Variants in XXYLT1 observed in about 807,000 individuals in gnomAD.
XXYLT1 encodes UDP-xylose:alpha-xyloside alpha-1,3-xylosyltransferase.
XXYLT1 carries 20 observed loss-of-function variants against 28.9 expected under a neutral mutation model. That is an observed-to-expected ratio of 0.69 (90% CI 0.49 to 1.00). The LOEUF (loss-of-function observed/expected upper bound fraction) is 1.00. XXYLT1 is among the 50% of genes least tolerant of loss of function. The probability of loss-of-function intolerance (pLI) is 0.00; values close to 1 mark genes in which losing one functional copy is unlikely to be tolerated. For synonymous variants in XXYLT1, 257 were observed against 253.8 expected (o/e 1.01, Z -0.12); for missense variants, 542 against 560.1 (o/e 0.97, Z 0.33).
intron 2 of XXYLT1, among the ~76,000 whole-genome samples, chr3:195,219,909 C>T (rs933176725): frequency 4.6e-5 from 7 of 152,152 alleles, no homozygotes; most frequent in Admixed American, 2.0e-4. Flanking sequence ...TCAAGAGATT[C>T]GGGCAGAGGC....
intron 2 of XXYLT1, among the ~76,000 whole-genome samples, chr3:195,177,762 CA>C (rs796329955): frequency 6.7e-6 from 1 of 150,188 alleles, no homozygotes; most frequent in Non-Finnish European, 1.5e-5. Context: ...CCCATCTCTA[CA>C]AAAAAAATAA....
At chr3:195,083,974 C>T (rs150988533) in intron 3 of XXYLT1, among the ~76,000 whole-genome samples, 5,299 of 151,890 alleles carry the variant, frequency 0.035, 310 homozygotes, top group African/African-American at 0.12. Context: ...TGCAGCGAGC[C>T]GAGATTGCAC....
At chr3:195,137,855 G>A (rs1424067837) in intron 3 of XXYLT1, among the ~76,000 whole-genome samples, 2 of 152,224 alleles carry the variant, frequency 1.3e-5, no homozygotes, top group Non-Finnish European at 2.9e-5. Flanking sequence ...GAGGAAGAGA[G>A]GGGTCATAAA....
intron 3 of XXYLT1, among the ~76,000 whole-genome samples, chr3:195,100,493 C>T (rs182283425): frequency 2.4e-4 from 36 of 152,206 alleles, no homozygotes; most frequent in Admixed American, 2.0e-3. Flanking sequence ...TCATGCTCCT[C>T]AGTGCCTATA....
At position 195,209,018 on chromosome 3, in the gene XXYLT1, A is replaced by C. The variant is rs1182288312; in HGVS notation, c.652+17691T>G. Among the ~76,000 whole-genome samples the C allele has an allele frequency of 2.0e-5, 3 of 152,212 alleles. No homozygotes were observed. The highest frequency in any genetic ancestry group is 4.4e-5 in the Non-Finnish European group (3 of 68,032). ...CTTATTATGTGATCAATGATGCTTT[A>C]AAAGAAAAAATACTGTACCTGACTC... On this transcript the variant is annotated intron_variant, in intron 2 of 3. Coordinates refer to ENST00000310380, the MANE Select transcript of XXYLT1 (RefSeq NM_152531.5). This position sits in a 1 kb window ranked among gnomAD's most constrained non-coding sequence, Gnocchi z 5.0.
chr3:195,150,876 C>T lies in XXYLT1; in HGVS notation c.785+5573G>A, dbSNP rs539074215. 1.8e-4 allele frequency among the ~76,000 whole-genome samples: 21 copies of T among 114,598 alleles called. No homozygotes were observed. In the East Asian group the frequency reaches 0.01, roughly 56 times the overall value. The allele number at this position is 114,598 out of a possible 152,430, so 75.2% of individuals were successfully genotyped here. On this transcript the variant is annotated intron_variant, in intron 3 of 3. Transcript: ENST00000310380. This position sits in a 1 kb window ranked among gnomAD's most constrained non-coding sequence, Gnocchi z 4.7. ...CTCTCACACACACACACACTCTCTCCCTCTCCCTCTCCCTCTCTCTCTCTC... is the reference window on the plus strand; with the variant it reads ...CTCTCACACACACACACACTCTCTCTCTCTCCCTCTCCCTCTCTCTCTCTC...
intron 3 of XXYLT1, among the ~76,000 whole-genome samples, chr3:195,083,297 T>C (rs895975427): frequency 6.6e-6 from 1 of 152,150 alleles, no homozygotes; most frequent in African/African-American, 2.4e-5. Context: ...GTGTGTAAAC[T>C]GTGAGCTGAA....
intron 3 of XXYLT1, among the ~76,000 whole-genome samples, chr3:195,097,143 G>A (rs2108670649): frequency 6.6e-6 from 1 of 152,288 alleles, no homozygotes; most frequent in Middle Eastern, 3.4e-3. Context: ...ATCTGCTGCT[G>A]GTGTGGCCCA....
intron 3 of XXYLT1, among the ~76,000 whole-genome samples, chr3:195,101,809 G>A (rs1191512042): frequency 2.7e-5 from 4 of 150,160 alleles, no homozygotes; most frequent in East Asian, 2.0e-4. Flanking sequence ...GAAAAAAAAA[G>A]GGGAGAGGGG....
rs1714724017 is a variant in XXYLT1 at position 195,070,194 on chromosome 3, C to T, written c.786-83G>A. The T allele has an allele frequency of 4.7e-6, 7 of 1,477,726 alleles. No homozygotes were observed. In the South Asian group the frequency reaches 9.5e-5, roughly 20 times the overall value. 91.5% of individuals were successfully genotyped at this position (1,477,726 alleles called of 1,614,324 possible). ...GCTGCCCTGGGTCTTCACAGCCAGC[C>T]TGCATGCAAACACTGCCACATTCCG... On this transcript the variant is annotated intron_variant, in intron 3 of 3. Coordinates refer to ENST00000310380, the MANE Select transcript of XXYLT1 (RefSeq NM_152531.5).
In XXYLT1 at chr3:195,069,241, G is replaced by A. The variant is rs1714660846; in HGVS notation, c.*474C>T. On this transcript the variant is annotated 3_prime_UTR_variant, in exon 4 of 4. Transcript: ENST00000310380. ...CATTCGTTTGGAAGCTTAGATACTG[G>A]GCTGGTCATTAAAACCTTGGCTTAC... 6.3e-6 allele frequency: 1 copy of A among 158,574 alleles called. No homozygotes were observed. Among genetic ancestry groups the A allele is most frequent in the African/African-American group, 2.4e-5 (1 of 41,498 alleles). The allele number at this position is 158,574 out of a possible 1,614,324, so 9.8% of individuals were successfully genotyped here.
intron 3 of XXYLT1, among the ~76,000 whole-genome samples, chr3:195,149,310 G>A (rs1018411583): frequency 6.6e-6 from 1 of 152,184 alleles, no homozygotes; most frequent in African/African-American, 2.4e-5. Flanking sequence ...TTAATGATGA[G>A]TTTTAGATAA....
chr3:195,200,606 G>A (rs369805398), intron 2 of XXYLT1, among the ~76,000 whole-genome samples: 32 of 152,152 alleles, frequency 2.1e-4, no homozygotes, highest in African/African-American at 3.6e-4. Context: ...ACCTACAATC[G>A]GTTGACTCAC....
chr3:195,241,846 G>T (rs1724790752), intron 1 of XXYLT1, among the ~76,000 whole-genome samples: 1 of 151,838 alleles, frequency 6.6e-6, no homozygotes, highest in Non-Finnish European at 1.5e-5. Context: ...ACACAGACAT[G>T]CACACAACAC....
chr3:195,116,525 A>C (rs75159151), intron 3 of XXYLT1, among the ~76,000 whole-genome samples: 49 of 152,314 alleles, frequency 3.2e-4, no homozygotes, highest in Non-Finnish European at 6.0e-4. Flanking sequence ...ATCAGCAAGA[A>C]GGGAGGGAAC....
At chr3:195,083,608 A>G (rs1166243978) in intron 3 of XXYLT1, among the ~76,000 whole-genome samples, 6 of 152,194 alleles carry the variant, frequency 3.9e-5, no homozygotes, top group Admixed American at 3.3e-4. Flanking sequence ...GGAGGAGGAG[A>G]AGAACACCTC....
chr3:195,124,695 C>A lies in XXYLT1; in HGVS notation c.785+31754G>T, dbSNP rs939492314. 7.9e-5 allele frequency among the ~76,000 whole-genome samples: 12 copies of A among 152,256 alleles called. No individual in the cohort carries two copies. The East Asian group carries it at 1.9e-3, about 24-fold the overall frequency. ...TCCAAAAACCCAAGACACTTTGAACCCCGTGGGAGTGTGGACCCCACATCA... is the reference window on the plus strand; with the variant it reads ...TCCAAAAACCCAAGACACTTTGAACACCGTGGGAGTGTGGACCCCACATCA... On this transcript the variant is annotated intron_variant, in intron 3 of 3. Coordinates refer to ENST00000310380, the MANE Select transcript of XXYLT1 (RefSeq NM_152531.5). The surrounding 1 kb of genome is among the most constrained non-coding windows in gnomAD (Gnocchi z 4.1).
At chr3:195,122,384 G>A (rs1346668645) in intron 3 of XXYLT1, among the ~76,000 whole-genome samples, 1 of 152,128 alleles carries the variant, frequency 6.6e-6, no homozygotes, top group Non-Finnish European at 1.5e-5. Context: ...CCAGACGAAG[G>A]TGGAACACCA....
chr3:195,194,382 T>G (rs939891696), intron 2 of XXYLT1, among the ~76,000 whole-genome samples: 10 of 152,038 alleles, frequency 6.6e-5, no homozygotes, highest in Non-Finnish European at 1.3e-4. Context: ...CTTTATACAC[T>G]CCCAGAATGG....
Sources: allele counts gnomAD v4.1 joint callset (sites outside exome capture counted in the v4.1 genomes callset), GRCh38; gene constraint gnomAD v4.1.1; non-coding constraint Gnocchi (gnomAD v3.1); transcripts MANE v1.5; gene names NCBI Gene and HGNC (gene_info 2026-07-23, HGNC 2026-07-21).